C7: variants seen among roughly 807,000 people sequenced by gnomAD.
C7 encodes the protein complement C7.
In C7, 83 loss-of-function variants were observed where a neutral mutation model predicts 104.8. The observed-to-expected ratio is 0.79, with a 90% CI of 0.66 to 0.95. The LOEUF is 0.95. C7 is among the 40% of genes least tolerant of loss of function. The pLI, the probability that C7 is intolerant of heterozygous loss-of-function variation, is 0.00. For missense variants in C7, 1,070 were observed against 1,011.2 expected (o/e 1.06, Z -0.79); for synonymous variants, 415 against 360.6 (o/e 1.15, Z -1.71).
At chr5:40,963,541 GAAGCACATA>G (rs1211301136) in intron 13 of C7, among the ~76,000 whole-genome samples, 4 of 152,118 alleles carry the variant, frequency 2.6e-5, no homozygotes, top group African/African-American at 7.2e-5. Flanking sequence ...AGTGGGCCAG[GAAGCACATA>G]CTGACAATGG....
intron 11 of C7, among the ~76,000 whole-genome samples, chr5:40,958,478 G>A (rs890476769): frequency 2.6e-5 from 4 of 152,086 alleles, no homozygotes; most frequent in African/African-American, 7.2e-5. Context: ...GCCCCACTGT[G>A]CCCTCCACTT....
intron 1 of C7, among the ~76,000 whole-genome samples, chr5:40,924,161 G>C (rs777710938): frequency 6.6e-6 from 1 of 152,140 alleles, no homozygotes; most frequent in South Asian, 2.1e-4. Context: ...ATAGAATTGG[G>C]GTACAGGCAT....
chr5:40,959,594 C>G lies in C7; in HGVS notation c.1635C>G (p.Cys545Trp), dbSNP rs201282493. 1.9e-6 allele frequency: 3 copies of G among 1,603,260 alleles called. No homozygotes were observed. In the African/African-American group the frequency reaches 4.0e-5, roughly 22 times the overall value. ...GAGAAACGACAGAAAGCACACAATG[C>G]GAAGATGAGGAGCTGGAGCACTTGA... ...CVGETTESTQ[C>W]EDEELEHLRL... is the part of the protein sequence containing the mutation. Residue 545 changes from cysteine to tryptophan, a missense_variant, in exon 12 of 18, where the codon TGC becomes TGG. By Grantham distance (215) the Cys-to-Trp change is radical (BLOSUM62 -2). Transcript: ENST00000313164.
At chr5:40,929,531 T>A (rs1253743093) in intron 2 of C7, among the ~76,000 whole-genome samples, 2 of 152,152 alleles carry the variant, frequency 1.3e-5, no homozygotes, top group Non-Finnish European at 2.9e-5. Flanking sequence ...ACTTTCAGAG[T>A]AACCTGACCC....
chr5:40,939,248 A>G (rs879619163), intron 6 of C7, among the ~76,000 whole-genome samples: 2 of 152,242 alleles, frequency 1.3e-5, no homozygotes, highest in Non-Finnish European at 2.9e-5. Context: ...GTTGAGTAAT[A>G]TAAATGAGAA....
intron 17 of C7, 73 bp from the exon 18 acceptor site, chr5:40,981,319 C>A: frequency 1.5e-6 from 2 of 1,367,892 alleles, no homozygotes; most frequent in Non-Finnish European, 2.0e-6. Context: ...CACATTATTA[C>A]TTTGGAGGTG....
chr5:40,963,068 C>T (rs1719335577), intron 13 of C7, among the ~76,000 whole-genome samples: 1 of 152,138 alleles, frequency 6.6e-6, no homozygotes, highest in Non-Finnish European at 1.5e-5. Context: ...TCATGGAGTT[C>T]CTGAATGGAA....
chr5:40,918,379 C>T (rs1330241855), intron 1 of C7, among the ~76,000 whole-genome samples: 1 of 151,654 alleles, frequency 6.6e-6, no homozygotes, highest in Non-Finnish European at 1.5e-5. Flanking sequence ...TCTACAATAC[C>T]ACAACAACAA....
chr5:40,959,145 C>G (rs969751009), intron 11 of C7, among the ~76,000 whole-genome samples: 2 of 152,158 alleles, frequency 1.3e-5, no homozygotes, highest in African/African-American at 2.4e-5. Context: ...TGCCCACCTC[C>G]ATTCACTGTT....
intron 15 of C7, among the ~76,000 whole-genome samples, chr5:40,975,367 T>TTTA (rs1740796287): frequency 1.3e-5 from 1 of 74,608 alleles, no homozygotes; most frequent in Non-Finnish European, 2.7e-5. Flanking sequence ...AGAAGTGTGC[T>TTTA]TTTTTTTTTT....
intron 7 of C7, among the ~76,000 whole-genome samples, chr5:40,946,513 T>A (rs1299975831): frequency 6.6e-6 from 1 of 152,186 alleles, no homozygotes; most frequent in East Asian, 1.9e-4. Flanking sequence ...AAGTGGGGAT[T>A]TGGCAAAAGT....
chr5:40,963,717 C>T (rs1740469822), intron 13 of C7, among the ~76,000 whole-genome samples: 1 of 152,100 alleles, frequency 6.6e-6, no homozygotes, highest in Non-Finnish European at 1.5e-5. Context: ...AGTGTGATTA[C>T]CCTTCATCCA....
intron 6 of C7, among the ~76,000 whole-genome samples, chr5:40,939,014 C>T (rs573894116): frequency 2.3e-4 from 35 of 152,180 alleles, no homozygotes; most frequent in Non-Finnish European, 3.8e-4. Flanking sequence ...AAGATCCCCT[C>T]TCTCACTCCT....
At chr5:40,940,408 G>A (rs1031430678) in intron 6 of C7, among the ~76,000 whole-genome samples, 5 of 152,174 alleles carry the variant, frequency 3.3e-5, no homozygotes, top group African/African-American at 7.2e-5. Flanking sequence ...GGACTATTGT[G>A]TTTATTCTCA....
intron 1 of C7, among the ~76,000 whole-genome samples, chr5:40,922,857 T>C (rs114898479): frequency 0.011 from 1,634 of 152,230 alleles, 23 homozygotes; most frequent in African/African-American, 0.037. Context: ...ATGTAAAATG[T>C]GAAATTATGA....
At chr5:40,966,712 T>C (rs751252678) in intron 14 of C7, among the ~76,000 whole-genome samples, 1 of 152,132 alleles carries the variant, frequency 6.6e-6, no homozygotes, top group African/African-American at 2.4e-5. Context: ...TTACTTCACT[T>C]AGAATAATAG....
At chr5:40,976,956 T>G in intron 16 of C7, 116 bp downstream of exon 16, 2 of 774,584 alleles carry the variant, frequency 2.6e-6, no homozygotes, top group Non-Finnish European at 4.1e-6. Flanking sequence ...TAAGGGTCTT[T>G]GTTTGCATTT....
At chr5:40,916,170 T>G (rs766118595) in intron 1 of C7, among the ~76,000 whole-genome samples, 1 of 152,176 alleles carries the variant, frequency 6.6e-6, no homozygotes, top group Non-Finnish European at 1.5e-5. Flanking sequence ...AATAAACTAT[T>G]ATGCTTTATT....
At chr5:40,914,695 A>G (rs1202385237) in intron 1 of C7, among the ~76,000 whole-genome samples, 2 of 152,284 alleles carry the variant, frequency 1.3e-5, no homozygotes, top group African/African-American at 2.4e-5. Flanking sequence ...TAGACATTCT[A>G]TGCAATATTA....
Sources: gnomAD v4.1 joint callset for allele counts (sites outside exome capture counted in the v4.1 genomes callset) on GRCh38, gnomAD v4.1.1 for gene constraint, MANE v1.5 for transcripts, NCBI Gene and HGNC (gene_info 2026-07-23, HGNC 2026-07-21) for gene names.